The following GLYATL2 variants were observed in gnomAD, a reference collection of about 807,000 sequenced individuals.
GLYATL2 encodes glycine N-acyltransferase-like protein 2.
Under a neutral mutation model 21.4 loss-of-function variants are expected in GLYATL2, and 25 were observed. That is an observed-to-expected ratio of 1.17 (90% CI 0.85 to 1.63). GLYATL2 has a LOEUF of 1.63. Among genes scored for constraint, GLYATL2 ranks in the 40% most tolerant of loss-of-function variants. The pLI is 0.00. For synonymous variants in GLYATL2, 114 were observed against 118.2 expected (o/e 0.96, Z 0.23); for missense variants, 361 against 343.3 (o/e 1.05, Z -0.41).
intron 1 of GLYATL2, among the ~76,000 whole-genome samples, chr11:58,863,044 G>A (rs1168125489): frequency 5.3e-5 from 8 of 152,204 alleles, no homozygotes; most frequent in Non-Finnish European, 1.0e-4. Flanking sequence ...AGGCAGGCTA[G>A]CCTGGTGCCT....
upstream of GLYATL2, chr11:58,907,311 G>T (rs1018419976): frequency 4.4e-6 from 2 of 456,102 alleles, no homozygotes; most frequent in East Asian, 6.9e-5. Flanking sequence ...CTGAAATCTG[G>T]ACTTCCAATT....
intron 5 of GLYATL2, among the ~76,000 whole-genome samples, chr11:58,836,312 G>A (rs1473856082): frequency 6.6e-6 from 1 of 151,974 alleles, no homozygotes; most frequent in Non-Finnish European, 1.5e-5. Context: ...TGGCTGCATA[G>A]TATTCTAATG....
chr11:58,849,881 C>A (rs1223627079), intron 1 of GLYATL2, among the ~76,000 whole-genome samples: 5 of 151,882 alleles, frequency 3.3e-5, no homozygotes, highest in Non-Finnish European at 7.4e-5. Context: ...CTCGCTTATA[C>A]CTATGGAACA....
chr11:58,867,077 A>G (rs1314582093), intron 1 of GLYATL2, among the ~76,000 whole-genome samples: 1 of 148,854 alleles, frequency 6.7e-6, no homozygotes, highest in Non-Finnish European at 1.5e-5. Context: ...TCCCACAGAC[A>G]CTCAGCCATG....
At chr11:58,868,745 G>A (rs1332305077) in intron 1 of GLYATL2, among the ~76,000 whole-genome samples, 1 of 149,038 alleles carries the variant, frequency 6.7e-6, no homozygotes, top group East Asian at 2.2e-4. Context: ...TCTCTTTGGG[G>A]CCAGCCGCAG....
At chr11:58,847,532 C>G (rs1360072659), upstream of GLYATL2, among the ~76,000 whole-genome samples, 3 of 152,128 alleles carry the variant, frequency 2.0e-5, no homozygotes, top group Non-Finnish European at 4.4e-5. Context: ...GCCCTTAGGC[C>G]TTAAGAGAAC....
upstream of GLYATL2, among the ~76,000 whole-genome samples, chr11:58,849,436 G>A (rs1853701106): frequency 6.6e-6 from 1 of 151,834 alleles, no homozygotes; most frequent in Non-Finnish European, 1.5e-5. Flanking sequence ...TCAATAAATT[G>A]GAAAACCTAA....
At chr11:58,907,166 T>C (rs1246561857), upstream of GLYATL2, 1 of 445,054 alleles carries the variant, frequency 2.2e-6, no homozygotes, top group East Asian at 7.0e-5. Context: ...CTCTGATCAG[T>C]ACACAGTTGA....
intron 1 of GLYATL2, among the ~76,000 whole-genome samples, chr11:58,869,031 G>T (rs1228652489): frequency 0.041 from 5,635 of 138,816 alleles, 539 homozygotes; most frequent in East Asian, 0.2. Context: ...GGTACCAGAT[G>T]GTGGGATCAG....
chr11:58,838,219 TG>T, intron 3 of GLYATL2, 41 bp downstream of exon 3: 1 of 1,297,322 alleles, frequency 7.7e-7, no homozygotes, highest in Non-Finnish European at 1.1e-6. Flanking sequence ...AGAGAACGTC[TG>T]GAGAGTGACT....
intron 1 of GLYATL2, among the ~76,000 whole-genome samples, chr11:58,886,147 G>A (rs1385599454): frequency 6.6e-6 from 1 of 152,160 alleles, no homozygotes; most frequent in African/African-American, 2.4e-5. Flanking sequence ...GCCCCAGGAG[G>A]TCGAGGTTGC....
chr11:58,849,946 T>G (rs1853710682), intron 1 of GLYATL2, among the ~76,000 whole-genome samples: 1 of 151,890 alleles, frequency 6.6e-6, no homozygotes, highest in South Asian at 2.1e-4. Flanking sequence ...TAAAAAAAGA[T>G]AAACAATTCC....
chr11:58,907,244 AC>A (rs750875426), upstream of GLYATL2: 37 of 456,098 alleles, frequency 8.1e-5, no homozygotes, highest in South Asian at 5.6e-4. Context: ...TCTGCAGGTC[AC>A]CCGCCAGGTT....
Position 58,881,120 on chromosome 11 carries a change from A to T in GLYATL2, n.60+23036T>A, listed in dbSNP as rs372601531. Reference sequence around the variant, plus strand: ...CATGTTGATTATTATGAAGTCAATTAAAAAAACTAACATATGTTAAATATT... The same window carrying T: ...CATGTTGATTATTATGAAGTCAATTTAAAAAACTAACATATGTTAAATATT... On this transcript the variant is annotated intron_variant and non_coding_transcript_variant, in intron 1 of 4. Transcript: ENST00000533636. 2.3e-3 allele frequency among the ~76,000 whole-genome samples: 346 copies of T among 152,328 alleles called. 3 individuals are homozygous for T. Among genetic ancestry groups the T allele is most frequent in the African/African-American group, 7.0e-3 (290 of 41,558 alleles).
At chr11:58,845,095 C>T (rs1199298829), upstream of GLYATL2, among the ~76,000 whole-genome samples, 2 of 152,128 alleles carry the variant, frequency 1.3e-5, no homozygotes, top group East Asian at 1.9e-4. Flanking sequence ...GGAATAGAGA[C>T]AAACATTGTT....
At chr11:58,896,985 T>C (rs925285005) in intron 1 of GLYATL2, among the ~76,000 whole-genome samples, 10 of 152,198 alleles carry the variant, frequency 6.6e-5, no homozygotes, top group Admixed American at 2.0e-4. Flanking sequence ...GTTGCCCTTG[T>C]AGGCAGATGA....
chr11:58,887,242 CAT>C (rs1339340904), intron 1 of GLYATL2, among the ~76,000 whole-genome samples: 2 of 151,768 alleles, frequency 1.3e-5, no homozygotes, highest in African/African-American at 4.8e-5. Context: ...GAATGCCACA[CAT>C]ATATGACCAA....
chr11:58,866,930 C>T (rs147907315), intron 1 of GLYATL2, among the ~76,000 whole-genome samples: 1 of 149,356 alleles, frequency 6.7e-6, no homozygotes, highest in African/African-American at 2.4e-5. Context: ...CAATGGCTAT[C>T]AGATGTCTTC....
At chr11:58,891,317 A>G (rs1854539626) in intron 1 of GLYATL2, among the ~76,000 whole-genome samples, 1 of 152,218 alleles carries the variant, frequency 6.6e-6, no homozygotes, top group Non-Finnish European at 1.5e-5. Context: ...GCTTACCAGA[A>G]TGGGATCACA....
Sources: gnomAD v4.1 joint callset for allele counts (sites outside exome capture counted in the v4.1 genomes callset) on GRCh38, gnomAD v4.1.1 for gene constraint, MANE v1.5 for transcripts, NCBI Gene and HGNC (gene_info 2026-07-23, HGNC 2026-07-21) for gene names.